Variants in DOK7 observed in about 807,000 individuals in gnomAD.
DOK7 encodes the protein protein Dok-7.
Under a neutral mutation model 30.7 loss-of-function variants are expected in DOK7, and 32 were observed. That is an observed-to-expected ratio of 1.04 (90% CI 0.79 to 1.40). The LOEUF (loss-of-function observed/expected upper bound fraction) is 1.40, where lower values mean the gene tolerates loss of function less well. Among genes scored for constraint, DOK7 ranks in the 40% most tolerant of loss-of-function variants. The pLI is 0.00. For synonymous variants in DOK7, 447 were observed against 324.1 expected (o/e 1.38, Z -4.07); for missense variants, 1,007 against 699.2 (o/e 1.44, Z -4.97).
rs768096493 is a variant in DOK7 at position 3,463,410 on chromosome 4, A to T, written c.35A>T (p.Lys12Met). The change falls in exon 1 of 7, where the codon AAG becomes ATG. Residue 12 changes from lysine to methionine, a missense_variant. Lys to Met is a moderately conservative substitution (Grantham distance 95). Coordinates refer to ENST00000340083, the MANE Select transcript of DOK7 (RefSeq NM_173660.5). ...TEAALVEGQV[K>M]LRDGKKWKSR... ...GCGGCGCTGGTGGAGGGCCAGGTCAAGCTGCGGGACGGCAAGAAGGTCGGG... is the reference window on the plus strand; with the variant it reads ...GCGGCGCTGGTGGAGGGCCAGGTCATGCTGCGGGACGGCAAGAAGGTCGGG... 7.0e-7 allele frequency: 1 copy of T among 1,425,764 alleles called. No individual in the cohort carries two copies. The highest frequency in any genetic ancestry group is 9.1e-7 in the Non-Finnish European group (1 of 1,097,764). The allele number at this position is 1,425,764 out of a possible 1,614,324, so 88.3% of individuals were successfully genotyped here. A position where few individuals can be genotyped will look rare whatever the true frequency, so the allele number is the denominator to read the frequency against.
At chr4:3,482,796 C>G (rs546401948) in intron 4 of DOK7, among the ~76,000 whole-genome samples, 77 of 152,306 alleles carry the variant, frequency 5.1e-4, no homozygotes, top group Middle Eastern at 3.4e-3. Flanking sequence ...CACCCAAGGC[C>G]GAGCACTGGG....
Position 3,493,704 on chromosome 4 carries a change from CA to C in DOK7, c.*204del, listed in dbSNP as rs1728708311. On this transcript the variant is annotated 3_prime_UTR_variant, in exon 7 of 7. Coordinates refer to ENST00000340083, the MANE Select transcript of DOK7 (RefSeq NM_173660.5). ...ACTTGGGGAGGTGAGTTCTGGAAGG[CA>C]GGGGCTCTGGGTCCGGCAGGTCGGG... 1.4e-6 allele frequency: 2 copies of C among 1,435,638 alleles called. No individual in the cohort carries two copies. 88.9% of individuals were successfully genotyped at this position (1,435,638 alleles called of 1,614,324 possible). A position where few individuals can be genotyped will look rare whatever the true frequency, so the allele number is the denominator to read the frequency against.
At chr4:3,488,504 G>C (rs1247299569) in intron 5 of DOK7, among the ~76,000 whole-genome samples, 1 of 152,220 alleles carries the variant, frequency 6.6e-6, no homozygotes, top group Non-Finnish European at 1.5e-5. Flanking sequence ...CATGGGGTCG[G>C]GACGTCTGGC....
At position 3,493,167 on chromosome 4, in the gene DOK7, A is replaced by C; in HGVS notation, c.1181A>C (p.Glu394Ala). 6.2e-7 allele frequency: 1 copy of C among 1,608,150 alleles called. No homozygotes were observed. The highest frequency in any genetic ancestry group is 8.5e-7 in the Non-Finnish European group (1 of 1,178,354). Residue 394 changes from glutamate (E) to alanine (A), a missense_variant, in exon 7 of 7, where the codon GAG becomes GCG. Coordinates refer to ENST00000340083, the MANE Select transcript of DOK7 (RefSeq NM_173660.5). Reference sequence around the variant, plus strand: ...TGCACCTGCCTGCCCGGGACAGTCGAGTACCAGGTGCCCACCTCCCTGCGG... The same window carrying C: ...TGCACCTGCCTGCCCGGGACAGTCGCGTACCAGGTGCCCACCTCCCTGCGG... The part of the protein sequence containing the change: ...SLCTCLPGTV[E>A]YQVPTSLRAH...
At chr4:3,485,893 G>A (rs1317770970) in intron 5 of DOK7, among the ~76,000 whole-genome samples, 2 of 152,256 alleles carry the variant, frequency 1.3e-5, no homozygotes, top group Non-Finnish European at 2.9e-5. Context: ...CTCCCTCGGG[G>A]GTCCGAGCTG....
downstream of DOK7, among the ~76,000 whole-genome samples, chr4:3,495,635 C>G (rs539447974): frequency 1.6e-3 from 242 of 152,330 alleles, no homozygotes; most frequent in African/African-American, 5.4e-3. Flanking sequence ...GGGTGGCCAA[C>G]AGGCTGGGGG....
At chr4:3,463,470 GC>G in intron 1 of DOK7, 35 bp from the exon 2 acceptor site, 3 of 1,425,120 alleles carry the variant, frequency 2.1e-6, no homozygotes, top group Non-Finnish European at 2.7e-6. Context: ...GGGCGCGGGC[GC>G]GGGCGGCGGC....
intron 2 of DOK7, among the ~76,000 whole-genome samples, chr4:3,465,489 G>C (rs974587779): frequency 1.3e-5 from 2 of 152,194 alleles, no homozygotes; most frequent in Non-Finnish European, 2.9e-5. Context: ...GGTCCCGTCT[G>C]CTTCCTTGTA....
At position 3,493,511 on chromosome 4, in the gene DOK7, A is replaced by C. The variant is rs770677473; in HGVS notation, c.*10A>C. ...AAACCCCCCTCCTTGAGAGCCGCAG[A>C]TCCCGCCCCGCGGCTGCAAAGGGGC... is the stretch of plus-strand genomic sequence containing the variant. On this transcript the variant is annotated 3_prime_UTR_variant, in exon 7 of 7. Coordinates refer to ENST00000340083, the MANE Select transcript of DOK7 (RefSeq NM_173660.5). 2.5e-4 allele frequency: 398 copies of C among 1,610,018 alleles called. No homozygotes were observed. Among genetic ancestry groups the C allele is most frequent in the Non-Finnish European group, 3.2e-4 (380 of 1,178,812 alleles).
intron 6 of DOK7, among the ~76,000 whole-genome samples, chr4:3,499,844 G>T (rs1033957169): frequency 6.6e-6 from 1 of 152,078 alleles, no homozygotes; most frequent in Non-Finnish European, 1.5e-5. Context: ...GTGCTGGCCC[G>T]GGAGGGTTAG....
chr4:3,491,532 T>C (rs57384112), intron 6 of DOK7, among the ~76,000 whole-genome samples: 1 of 149,636 alleles, frequency 6.7e-6, no homozygotes, highest in Non-Finnish European at 1.5e-5. Flanking sequence ...TTCATTCATT[T>C]CTTCCTTCTC....
At chr4:3,479,589 G>A (rs1342996973) in intron 4 of DOK7, among the ~76,000 whole-genome samples, 3 of 152,186 alleles carry the variant, frequency 2.0e-5, no homozygotes, top group South Asian at 4.1e-4. Flanking sequence ...CCCCAGAACC[G>A]CCTCACTTGG....
At chr4:3,492,601 T>G (rs1728550263) in intron 6 of DOK7, among the ~76,000 whole-genome samples, 158 bp from the exon 7 acceptor site, 1 of 151,556 alleles carries the variant, frequency 6.6e-6, no homozygotes, top group Non-Finnish European at 1.5e-5. Context: ...TTGTTGTTGG[T>G]GAAGCCAGGT....
At chr4:3,500,239 CT>C in intron 6 of DOK7, 1 of 1,534,562 alleles carries the variant, frequency 6.5e-7, no homozygotes, top group Non-Finnish European at 8.7e-7. Flanking sequence ...TTCACAGCCG[CT>C]CCCCCCACAG....
intron 2 of DOK7, among the ~76,000 whole-genome samples, chr4:3,467,565 G>A (rs10937925): frequency 0.11 from 16,724 of 151,320 alleles, 968 homozygotes; most frequent in Middle Eastern, 0.14. Flanking sequence ...GTGCACGTGC[G>A]TGTGTGTGTG....
chr4:3,476,668 C>A, intron 4 of DOK7, 126 bp downstream of exon 4: 1 of 1,236,846 alleles, frequency 8.1e-7, no homozygotes. Context: ...AATGCGCCGG[C>A]AGGTGGACGG....
At chr4:3,467,824 G>C (rs1017956787) in intron 2 of DOK7, among the ~76,000 whole-genome samples, 1 of 152,162 alleles carries the variant, frequency 6.6e-6, no homozygotes. Context: ...TCCGCGTCCT[G>C]GGTGTCTCGT....
chr4:3,496,863 G>A (rs1263094996), downstream of DOK7: 23 of 1,534,826 alleles, frequency 1.5e-5, no homozygotes, highest in African/African-American at 2.7e-5. Flanking sequence ...GCACATTCAG[G>A]TAGGCACCTG....
chr4:3,477,581 T>C (rs1341362362), intron 4 of DOK7, among the ~76,000 whole-genome samples: 1 of 152,222 alleles, frequency 6.6e-6, no homozygotes, highest in Non-Finnish European at 1.5e-5. Flanking sequence ...GAGCCAGCCC[T>C]GTTGGGGCCT....
Sources: gnomAD v4.1 joint callset for allele counts (sites outside exome capture counted in the v4.1 genomes callset) on GRCh38, gnomAD v4.1.1 for gene constraint, MANE v1.5 for transcripts, NCBI Gene and HGNC (gene_info 2026-07-23, HGNC 2026-07-21) for gene names.